The following CACNA2D3 variants were observed in gnomAD, a reference collection of about 807,000 sequenced individuals.
CACNA2D3 encodes voltage-dependent calcium channel subunit alpha-2/delta-3.
A neutral mutation model predicts 160.6 loss-of-function variants in CACNA2D3; 60 were observed. That is an observed-to-expected ratio of 0.37 (90% CI 0.30 to 0.46). The LOEUF (loss-of-function observed/expected upper bound fraction) is 0.46, where lower values mean the gene tolerates loss of function less well. CACNA2D3 is among the 20% of genes least tolerant of loss of function. The pLI is 1.00. For missense variants in CACNA2D3, 1,205 were observed against 1,365.0 expected (o/e 0.88, Z 1.85); for synonymous variants, 558 against 492.9 (o/e 1.13, Z -1.75).
intron 11 of CACNA2D3, among the ~76,000 whole-genome samples, chr3:54,643,708 AAGG>A (rs1284279010): frequency 2.6e-5 from 4 of 152,210 alleles, no homozygotes; most frequent in African/African-American, 9.6e-5. Context: ...CATGATGTGA[AAGG>A]AGGAGACTGC....
At chr3:54,872,554 C>T (rs1699559829) in intron 18 of CACNA2D3, among the ~76,000 whole-genome samples, 1 of 152,162 alleles carries the variant, frequency 6.6e-6, no homozygotes, top group African/African-American at 2.4e-5. Context: ...GAAAGCCCAG[C>T]CTGGGTTCTC....
At chr3:54,780,084 C>T (rs190034701) in intron 13 of CACNA2D3, among the ~76,000 whole-genome samples, 102 of 152,204 alleles carry the variant, frequency 6.7e-4, no homozygotes, top group African/African-American at 1.9e-3. Context: ...TCCTAAAAAA[C>T]GGTACAATGA....
chr3:54,998,165 A>C (rs115811009), intron 31 of CACNA2D3, among the ~76,000 whole-genome samples: 2 of 114,538 alleles, frequency 1.7e-5, no homozygotes, highest in Admixed American at 1.2e-4. Flanking sequence ...GTCTTGCTCT[A>C]TTGCCCATGC....
intron 2 of CACNA2D3, among the ~76,000 whole-genome samples, chr3:54,243,806 C>G (rs551526019): frequency 6.6e-6 from 1 of 152,178 alleles, no homozygotes; most frequent in Non-Finnish European, 1.5e-5. Context: ...TTCAGACAAG[C>G]CACGGATCCC....
intron 4 of CACNA2D3, among the ~76,000 whole-genome samples, chr3:54,462,384 C>G (rs1042261789): frequency 6.6e-6 from 1 of 152,172 alleles, no homozygotes; most frequent in Non-Finnish European, 1.5e-5. Context: ...GTGTTAACAT[C>G]TCCCATTACT....
At chr3:55,067,892 A>G (rs1373213892) in intron 35 of CACNA2D3, among the ~76,000 whole-genome samples, 6 of 152,232 alleles carry the variant, frequency 3.9e-5, no homozygotes, top group African/African-American at 1.4e-4. Context: ...TAAGATGCTC[A>G]AATCACTTGG....
intron 27 of CACNA2D3, among the ~76,000 whole-genome samples, chr3:54,904,557 G>A (rs759549723): frequency 1.3e-5 from 2 of 152,142 alleles, no homozygotes; most frequent in Non-Finnish European, 2.9e-5. Context: ...GCTTTAAAGT[G>A]TACCTTTTAA....
chr3:54,213,380 G>A (rs1701410129), intron 2 of CACNA2D3, among the ~76,000 whole-genome samples: 1 of 152,172 alleles, frequency 6.6e-6, no homozygotes, highest in African/African-American at 2.4e-5. Context: ...ATGGCTTTGA[G>A]CCATTAAAGG....
intron 3 of CACNA2D3, among the ~76,000 whole-genome samples, chr3:54,348,999 A>T (rs1302589788): frequency 6.6e-6 from 1 of 152,164 alleles, no homozygotes; most frequent in Non-Finnish European, 1.5e-5. Flanking sequence ...AAGTGCTGGG[A>T]TTACAGGCAT....
chr3:54,463,124 A>C (rs546238826), intron 4 of CACNA2D3, among the ~76,000 whole-genome samples: 1 of 152,074 alleles, frequency 6.6e-6, no homozygotes, highest in Admixed American at 6.5e-5. Context: ...TCTGGCTTGT[A>C]GAGTTTCCGC....
At chr3:54,955,102 C>T (rs1424781628) in intron 27 of CACNA2D3, among the ~76,000 whole-genome samples, 5 of 152,256 alleles carry the variant, frequency 3.3e-5, no homozygotes, top group South Asian at 4.2e-4. Context: ...ATTATTCGAA[C>T]GTACGTAACA....
chr3:54,462,112 T>A (rs1162613040), intron 4 of CACNA2D3, among the ~76,000 whole-genome samples: 1 of 152,168 alleles, frequency 6.6e-6, no homozygotes, highest in African/African-American at 2.4e-5. Context: ...AATCTTGAGT[T>A]CTAGTTTGAT....
At chr3:54,823,943 A>G (rs140186878) in intron 14 of CACNA2D3, among the ~76,000 whole-genome samples, 4 of 152,354 alleles carry the variant, frequency 2.6e-5, no homozygotes, top group Non-Finnish European at 4.4e-5. Flanking sequence ...TAATGAACTA[A>G]TTGTTTTACT....
At chr3:54,831,392 C>T (rs1218533843) in intron 14 of CACNA2D3, among the ~76,000 whole-genome samples, 3 of 152,226 alleles carry the variant, frequency 2.0e-5, no homozygotes, top group Admixed American at 2.0e-4. Context: ...GCTTCTGCCA[C>T]CAGTCCTGGC....
chr3:54,810,636 C>T (rs1319264221), intron 13 of CACNA2D3, among the ~76,000 whole-genome samples: 1 of 152,150 alleles, frequency 6.6e-6, no homozygotes, highest in Non-Finnish European at 1.5e-5. Context: ...TTTTGTTTTA[C>T]ACAGTTGGCA....
At chr3:55,041,041 CACCATG>C (rs1703949542) in intron 35 of CACNA2D3, among the ~76,000 whole-genome samples, 1 of 152,146 alleles carries the variant, frequency 6.6e-6, no homozygotes. Flanking sequence ...CACTCTTCAG[CACCATG>C]CCTTTCTTCA....
At chr3:54,257,165 C>T (rs1575348752) in intron 2 of CACNA2D3, among the ~76,000 whole-genome samples, 1 of 152,150 alleles carries the variant, frequency 6.6e-6, no homozygotes, top group Non-Finnish European at 1.5e-5. Flanking sequence ...GAATTGATTC[C>T]AATCTGAAGC....
intron 5 of CACNA2D3, among the ~76,000 whole-genome samples, chr3:54,547,153 C>T (rs1345386436): frequency 1.3e-5 from 2 of 152,152 alleles, no homozygotes; most frequent in African/African-American, 2.4e-5. Context: ...GAATGAGGTC[C>T]AGCGCAAAGA....
intron 35 of CACNA2D3, among the ~76,000 whole-genome samples, chr3:55,018,839 T>C (rs1452818141): frequency 6.6e-6 from 1 of 152,150 alleles, no homozygotes; most frequent in Non-Finnish European, 1.5e-5. Context: ...TGATTGGATC[T>C]ACTCTTACTG....
Sources: allele counts gnomAD v4.1 joint callset (sites outside exome capture counted in the v4.1 genomes callset), GRCh38; gene constraint gnomAD v4.1.1; transcripts MANE v1.5; gene names NCBI Gene and HGNC (gene_info 2026-07-23, HGNC 2026-07-21).